The following AR variants were observed in gnomAD, a reference collection of about 807,000 sequenced individuals.
AR encodes the protein dihydrotestosterone receptor.
A neutral mutation model predicts 53.9 loss-of-function variants in AR; 8 were observed. The ratio of observed to expected loss-of-function variants is 0.15; its 90% CI spans 0.09 to 0.27. The LOEUF (loss-of-function observed/expected upper bound fraction) is 0.27, where lower values mean the gene tolerates loss of function less well. Ranked by LOEUF, AR falls within the 10% of genes least tolerant of loss-of-function variation. The pLI, the probability that AR is intolerant of heterozygous loss-of-function variation, is 1.00. For missense variants in AR, 639 were observed against 742.5 expected, an observed-to-expected ratio of 0.86 and a Z score of 1.62; for synonymous variants, 359 against 316.4, an observed-to-expected ratio of 1.13 and a Z score of -1.43.
chrX:67,582,770 A>G (rs1922354046), intron 1 of AR, among the ~76,000 whole-genome samples: 1 of 111,645 alleles, frequency 9.0e-6, no homozygotes, highest in African/African-American at 3.3e-5. Context: ...CAATTTTCAT[A>G]TATAGCTATA....
chrX:67,557,848 T>C (rs927430317), intron 1 of AR, among the ~76,000 whole-genome samples: 1 of 112,428 alleles, frequency 8.9e-6, no homozygotes, highest in African/African-American at 3.2e-5. Flanking sequence ...CTATACAAAT[T>C]GGTTGCTCTC....
intron 1 of AR, among the ~76,000 whole-genome samples, chrX:67,628,221 C>T (rs1463551685): frequency 9.2e-6 from 1 of 108,983 alleles, no homozygotes; most frequent in Non-Finnish European, 1.9e-5. Flanking sequence ...TATAAATTAC[C>T]TTGGGCAGTA....
chrX:67,589,509 A>G (rs1922726541), intron 1 of AR, among the ~76,000 whole-genome samples: 1 of 111,585 alleles, frequency 9.0e-6, no homozygotes, highest in Non-Finnish European at 1.9e-5. Flanking sequence ...CTTTGTCCTG[A>G]CAGCCAACAG....
chrX:67,628,578 G>C (rs1924843577), intron 1 of AR, among the ~76,000 whole-genome samples: 1 of 108,620 alleles, frequency 9.2e-6, no homozygotes, highest in Admixed American at 1.0e-4. Flanking sequence ...CATGTCATCT[G>C]CAAACAGGGA....
intron 2 of AR, among the ~76,000 whole-genome samples, chrX:67,659,202 T>C (rs1042973272): frequency 9.0e-6 from 1 of 111,224 alleles, no homozygotes; most frequent in African/African-American, 3.3e-5. Context: ...CTTGTCCTCA[T>C]TGAGACTCAA....
At chrX:67,614,281 G>A (rs906777000) in intron 1 of AR, among the ~76,000 whole-genome samples, 1 of 111,572 alleles carries the variant, frequency 9.0e-6, no homozygotes, top group Admixed American at 9.5e-5. Context: ...CCATATCCGA[G>A]CCTGAGGCAA....
intron 2 of AR, among the ~76,000 whole-genome samples, chrX:67,651,465 G>A (rs925670263): frequency 9.0e-6 from 1 of 111,169 alleles, no homozygotes; most frequent in African/African-American, 3.3e-5. Context: ...CTGAGGCTTT[G>A]CCAGTTCATC....
At chrX:67,682,303 G>A (rs936430875) in intron 2 of AR, among the ~76,000 whole-genome samples, 3 of 110,417 alleles carry the variant, frequency 2.7e-5, no homozygotes, top group Admixed American at 9.7e-5. Flanking sequence ...TTATTATTTT[G>A]AGACAGGGTC....
At chrX:67,639,879 G>A (rs768741097) in intron 1 of AR, among the ~76,000 whole-genome samples, 1 of 111,475 alleles carries the variant, frequency 9.0e-6, no homozygotes, top group Non-Finnish European at 1.9e-5. Flanking sequence ...GTGAGAGACG[G>A]CATCCTTGTC....
Position 67,730,548 on chromosome X carries a change from C to A in AR, c.*6707C>A, listed in dbSNP as rs998398741. ...ATCGAGTTATTGTTAACAAAGAGAC[C>A]CAAGAAAAGCTGCTAATGTCCTCTT... On this transcript the variant is annotated 3_prime_UTR_variant, in exon 8 of 8. Coordinates refer to ENST00000374690, the MANE Select transcript of AR (RefSeq NM_000044.6). 7.1e-5 allele frequency: 12 copies of A among 169,371 alleles called. No homozygotes were observed. The highest frequency in any genetic ancestry group is 4.2e-4 in the East Asian group (5 of 11,896). 14.0% of individuals were successfully genotyped at this position (169,371 alleles called of 1,213,427 possible). A position where few individuals can be genotyped will look rare whatever the true frequency, so the allele number is the denominator to read the frequency against.
Position 67,727,815 on chromosome X carries a change from A to G in AR, c.*3974A>G, listed in dbSNP as rs1300061057. On this transcript the variant is annotated 3_prime_UTR_variant, in exon 8 of 8. Coordinates refer to ENST00000374690, the MANE Select transcript of AR (RefSeq NM_000044.6). ...GCACTGGGCCAAGGGAGTGGTTTTC[A>G]TGTTTGACCCACTACAAGGGGTCAT... is the stretch of plus-strand genomic sequence containing the variant. 1 of 172,500 alleles carries G rather than the reference A, an allele frequency of 5.8e-6. No homozygotes were observed. Among genetic ancestry groups the G allele is most frequent in the Non-Finnish European group, 1.1e-5 (1 of 90,357 alleles). The allele number at this position is 172,500 out of a possible 1,213,427, so 14.2% of individuals were successfully genotyped here.
intron 2 of AR, among the ~76,000 whole-genome samples, chrX:67,644,368 CT>C (rs940559650): frequency 8.9e-6 from 1 of 112,034 alleles, no homozygotes; most frequent in African/African-American, 3.2e-5. Context: ...TCTGCCCCAA[CT>C]TTCCCCAAAG....
chrX:67,627,095 G>A (rs1316479423), intron 1 of AR, among the ~76,000 whole-genome samples: 2 of 109,784 alleles, frequency 1.8e-5, no homozygotes, highest in African/African-American at 6.7e-5. Flanking sequence ...GAACATACGT[G>A]TGCATGTGTC....
intron 3 of AR, among the ~76,000 whole-genome samples, chrX:67,709,788 A>G (rs2076085921): frequency 8.9e-6 from 1 of 112,173 alleles, no homozygotes; most frequent in Non-Finnish European, 1.9e-5. Context: ...TGAATCATGC[A>G]TGTTCAACTA....
chrX:67,639,883 C>A (rs1297398131), intron 1 of AR, among the ~76,000 whole-genome samples: 1 of 111,419 alleles, frequency 9.0e-6, no homozygotes, highest in Non-Finnish European at 1.9e-5. Context: ...GAGACGGCAT[C>A]CTTGTCTTGT....
At chrX:67,607,887 A>T (rs1923704318) in intron 1 of AR, among the ~76,000 whole-genome samples, 1 of 111,417 alleles carries the variant, frequency 9.0e-6, no homozygotes, top group African/African-American at 3.3e-5. Context: ...GACCAACAAG[A>T]CACCCATTTT....
At chrX:67,638,133 G>A (rs1043018223) in intron 1 of AR, among the ~76,000 whole-genome samples, 2 of 111,153 alleles carry the variant, frequency 1.8e-5, no homozygotes, top group Admixed American at 1.9e-4. Context: ...CTTCATCCAT[G>A]TCCCTGCAAA....
chrX:67,653,124 C>T (rs771312908), intron 2 of AR, among the ~76,000 whole-genome samples: 16 of 111,784 alleles, frequency 1.4e-4, no homozygotes, highest in African/African-American at 3.2e-4. Flanking sequence ...AGACCTATAC[C>T]GGGCACTGGG....
intron 2 of AR, among the ~76,000 whole-genome samples, chrX:67,660,101 A>T (rs1926808374): frequency 9.0e-6 from 1 of 111,405 alleles, no homozygotes; most frequent in South Asian, 3.7e-4. Flanking sequence ...TTCTTTGTAG[A>T]TTCTGGATAT....
Sources: allele counts gnomAD v4.1 joint callset (sites outside exome capture counted in the v4.1 genomes callset), GRCh38; gene constraint gnomAD v4.1.1; transcripts MANE v1.5; gene names NCBI Gene and HGNC (gene_info 2026-07-23, HGNC 2026-07-21).